The following ARL15 variants were observed in gnomAD, a reference collection of about 807,000 sequenced individuals.
ARL15 encodes ADP-ribosylation factor-like protein 15.
In ARL15, 19 loss-of-function variants were observed where a neutral mutation model predicts 25.2. The ratio of observed to expected loss-of-function variants is 0.75; its 90% CI spans 0.53 to 1.10. ARL15 has a LOEUF of 1.10. Among genes scored for constraint, ARL15 ranks in the 50% least tolerant of loss-of-function variants. ARL15 has a pLI of 0.00. For missense variants in ARL15, 220 were observed against 246.0 expected, an observed-to-expected ratio of 0.89 and a Z score of 0.71; for synonymous variants, 94 against 86.8, an observed-to-expected ratio of 1.08 and a Z score of -0.46.
chr5:53,890,754 C>T (rs1489519362), intron 4 of ARL15, among the ~76,000 whole-genome samples: 8 of 152,178 alleles, frequency 5.3e-5, no homozygotes, highest in South Asian at 2.1e-4. Context: ...GGCATGACTG[C>T]GTTCCATTAT....
intron 4 of ARL15, among the ~76,000 whole-genome samples, chr5:54,027,511 T>C (rs1749817668): frequency 6.6e-6 from 1 of 152,196 alleles, no homozygotes; most frequent in African/African-American, 2.4e-5. Context: ...ATACTATGAA[T>C]ACCAACAAGC....
chr5:53,940,652 AG>A, intron 4 of ARL15, among the ~76,000 whole-genome samples: 1 of 152,340 alleles, frequency 6.6e-6, no homozygotes, highest in South Asian at 2.1e-4. Flanking sequence ...ATGCTTAAAC[AG>A]AGAACAATTA....
At chr5:53,962,478 A>G (rs1747402733) in intron 4 of ARL15, among the ~76,000 whole-genome samples, 1 of 152,150 alleles carries the variant, frequency 6.6e-6, no homozygotes, top group Non-Finnish European at 1.5e-5. Flanking sequence ...CCAATTATCA[A>G]TAATTGGAAC....
intron 1 of ARL15, among the ~76,000 whole-genome samples, chr5:54,289,723 T>C (rs1407116510): frequency 6.6e-6 from 1 of 152,238 alleles, no homozygotes; most frequent in Admixed American, 6.5e-5. Context: ...TGCATCTTAA[T>C]TTGTCATTTG....
intron 4 of ARL15, among the ~76,000 whole-genome samples, chr5:53,896,108 G>A (rs908192003): frequency 5.9e-5 from 9 of 151,984 alleles, no homozygotes; most frequent in African/African-American, 1.9e-4. Flanking sequence ...ATGTCGGCTT[G>A]CTGCAACCTC....
chr5:54,306,589 C>T (rs1758762587), intron 1 of ARL15, among the ~76,000 whole-genome samples: 7 of 152,106 alleles, frequency 4.6e-5, no homozygotes, highest in Admixed American at 4.6e-4. Context: ...TGGGGTTTCT[C>T]CATGTCAGCC....
chr5:54,056,864 C>A (rs570326096), intron 4 of ARL15, among the ~76,000 whole-genome samples: 1 of 151,866 alleles, frequency 6.6e-6, no homozygotes, highest in Non-Finnish European at 1.5e-5. Context: ...CCTGAGTATA[C>A]GGGGGAGCAC....
At chr5:54,090,434 A>G (rs1752096431) in intron 4 of ARL15, among the ~76,000 whole-genome samples, 1 of 151,736 alleles carries the variant, frequency 6.6e-6, no homozygotes, top group Non-Finnish European at 1.5e-5. Context: ...AAGCAAAAAA[A>G]AAGAAACAGG....
At chr5:54,154,744 CT>C (rs34029916) in intron 2 of ARL15, 105 bp from the exon 3 acceptor site, 1 of 637,506 alleles carries the variant, frequency 1.6e-6, no homozygotes, top group Non-Finnish European at 2.6e-6. Flanking sequence ...GATTTATTTA[CT>C]TTTTGTAGCT....
At chr5:54,072,839 C>T (rs1751469771) in intron 4 of ARL15, among the ~76,000 whole-genome samples, 1 of 152,118 alleles carries the variant, frequency 6.6e-6, no homozygotes, top group South Asian at 2.1e-4. Flanking sequence ...TTTGTTTCAA[C>T]AAAATTTAAT....
At chr5:53,956,059 A>G (rs1038041207) in intron 4 of ARL15, among the ~76,000 whole-genome samples, 1 of 152,196 alleles carries the variant, frequency 6.6e-6, no homozygotes, top group African/African-American at 2.4e-5. Flanking sequence ...GAGAATTTAC[A>G]AAGTCATGCA....
chr5:53,978,228 G>A (rs968304743), intron 4 of ARL15, among the ~76,000 whole-genome samples: 4 of 152,084 alleles, frequency 2.6e-5, no homozygotes, highest in Non-Finnish European at 5.9e-5. Flanking sequence ...AATGTTTATG[G>A]GTAAATTTGT....
chr5:54,307,662 A>G (rs938416833), intron 1 of ARL15, among the ~76,000 whole-genome samples: 1 of 152,178 alleles, frequency 6.6e-6, no homozygotes, highest in African/African-American at 2.4e-5. Flanking sequence ...TCCTGTTAAG[A>G]CAAAATAGCA....
At chr5:54,260,188 T>A (rs1430167795) in intron 1 of ARL15, among the ~76,000 whole-genome samples, 1 of 152,182 alleles carries the variant, frequency 6.6e-6, no homozygotes, top group Non-Finnish European at 1.5e-5. Context: ...ATGCACATCC[T>A]GCACTCTGCA....
chr5:54,062,534 C>A (rs71619991), intron 4 of ARL15, among the ~76,000 whole-genome samples: 5,300 of 143,332 alleles, frequency 0.037, 145 homozygotes, highest in African/African-American at 0.086. Context: ...AAAAAAAAAA[C>A]AACAGAAGCT....
chr5:54,171,920 T>C lies in ARL15; in HGVS notation c.57A>G (p.Arg19=). 2 of 1,609,820 alleles carry C rather than the reference T, an allele frequency of 1.2e-6. No homozygotes were observed. The highest frequency in any genetic ancestry group is 1.7e-6 in the Non-Finnish European group (2 of 1,177,048). The change falls in exon 2 of 5, where the codon AGA becomes AGG. Residue 19 remains arginine, a synonymous_variant. Coordinates refer to ENST00000504924, the MANE Select transcript of ARL15 (RefSeq NM_019087.3). ...AFLYMDYLCF[R]ALCCKGPPPA... ...GTGGTGGTCCCTTGCAGCAAAGTGCTCTAAAACACTGCCAAAAGAAGGGGA... is the reference window on the plus strand; with the variant it reads ...GTGGTGGTCCCTTGCAGCAAAGTGCCCTAAAACACTGCCAAAAGAAGGGGA...
intron 4 of ARL15, among the ~76,000 whole-genome samples, chr5:53,978,461 C>T (rs938992862): frequency 4.0e-5 from 6 of 151,626 alleles, no homozygotes; most frequent in African/African-American, 1.2e-4. Context: ...TATCTACTCC[C>T]GGAGTCATCC....
chr5:54,112,959 C>G (rs188215972), intron 4 of ARL15, among the ~76,000 whole-genome samples: 2 of 152,212 alleles, frequency 1.3e-5, no homozygotes, highest in African/African-American at 4.8e-5. Flanking sequence ...AAAAATATAA[C>G]CAGAAACATC....
At chr5:54,012,824 C>CT (rs11296991) in intron 4 of ARL15, among the ~76,000 whole-genome samples, 118 of 135,450 alleles carry the variant, frequency 8.7e-4, no homozygotes, top group Middle Eastern at 4.1e-3. Context: ...ACGCTGGACT[C>CT]TTTTTTTTTT....
Sources: gnomAD v4.1 joint callset for allele counts (sites outside exome capture counted in the v4.1 genomes callset) on GRCh38, gnomAD v4.1.1 for gene constraint, MANE v1.5 for transcripts, NCBI Gene and HGNC (gene_info 2026-07-23, HGNC 2026-07-21) for gene names.